The following MGAT4C variants were observed in gnomAD, a reference collection of about 807,000 sequenced individuals.
MGAT4C encodes MGAT4 family member C.
Under a neutral mutation model 40.1 loss-of-function variants are expected in MGAT4C, and 19 were observed. That is an observed-to-expected ratio of 0.47 (90% CI 0.33 to 0.70). The LOEUF is 0.70. MGAT4C is among the 30% of genes least tolerant of loss of function. MGAT4C has a pLI of 0.02. For missense variants in MGAT4C, 491 were observed against 563.2 expected (o/e 0.87, Z 1.30); for synonymous variants, 181 against 187.1 (o/e 0.97, Z 0.27).
At chr12:86,747,866 C>G (rs1951176869) in intron 1 of MGAT4C, among the ~76,000 whole-genome samples, 1 of 151,240 alleles carries the variant, frequency 6.6e-6, no homozygotes, top group South Asian at 2.1e-4. Context: ...AGGAATGACC[C>G]AAAGTACTGT....
rs759559827 is a variant in MGAT4C, at chr12:86,469,623, T to TC, written c.-228-34359dup. Among the ~76,000 whole-genome samples, 13 of 152,160 alleles carry TC rather than the reference T, an allele frequency of 8.5e-5. No homozygotes were observed. The East Asian group carries it at 2.1e-3, about 25-fold the overall frequency. ...TACCAAAGTAATTGCGGTTTTTTTT[T>TC]CCCCTGAAAGTAATGGCAAAAATGG... On this transcript the variant is annotated intron_variant, in intron 2 of 7. Transcript: ENST00000548651.
chr12:86,443,203 T>TAC (rs546506719), intron 2 of MGAT4C, among the ~76,000 whole-genome samples: 51 of 150,150 alleles, frequency 3.4e-4, no homozygotes, highest in South Asian at 1.7e-3. Flanking sequence ...TGTGTATATA[T>TAC]ATACACACAC....
intron 4 of MGAT4C, among the ~76,000 whole-genome samples, chr12:86,264,075 G>A (rs1304450302): frequency 1.3e-5 from 2 of 152,034 alleles, no homozygotes; most frequent in South Asian, 2.1e-4. Flanking sequence ...TCTACATCCT[G>A]GATATTAGTC....
At chr12:86,769,293 A>C (rs1373378197) in intron 1 of MGAT4C, among the ~76,000 whole-genome samples, 2 of 152,116 alleles carry the variant, frequency 1.3e-5, no homozygotes, top group Non-Finnish European at 2.9e-5. Context: ...GCCATCAGAG[A>C]AATGCAAATC....
intron 1 of MGAT4C, among the ~76,000 whole-genome samples, chr12:86,085,118 T>A (rs1291291176): frequency 6.6e-6 from 1 of 152,020 alleles, no homozygotes; most frequent in Non-Finnish European, 1.5e-5. Flanking sequence ...ATAGTTTATT[T>A]TTTATTTATT....
intron 3 of MGAT4C, among the ~76,000 whole-genome samples, chr12:86,363,726 C>T (rs1955531905): frequency 6.6e-6 from 1 of 151,664 alleles, no homozygotes; most frequent in East Asian, 1.9e-4. Flanking sequence ...TTTTCCAGAT[C>T]AACCAAAGAA....
At position 85,979,826 on chromosome 12, in the gene MGAT4C, A is replaced by G. The variant is rs1038028949; in HGVS notation, c.900T>C (p.Asn300=). ...AGAGAGATGGTTTAAAACGGATCAC[A>G]TTTTTCTGAGCCAACAGACCACGGA... ...THFRGLLAQK[N]VIRFKPSLFQ... The change falls in exon 5 of 5, where the codon AAT becomes AAC. Residue 300 remains asparagine, a synonymous_variant. Coordinates refer to ENST00000611864, the MANE Select transcript of MGAT4C (RefSeq NM_001351288.2). 6 of 1,613,600 alleles carry G rather than the reference A, an allele frequency of 3.7e-6. No individual in the cohort carries two copies. The highest frequency in any genetic ancestry group is 5.1e-6 in the Non-Finnish European group (6 of 1,179,820).
At chr12:86,583,561 C>T (rs1362455101) in intron 2 of MGAT4C, among the ~76,000 whole-genome samples, 1 of 151,160 alleles carries the variant, frequency 6.6e-6, no homozygotes, top group Non-Finnish European at 1.5e-5. Flanking sequence ...TCAAGCCTTG[C>T]ATTTCCAAGT....
At chr12:86,639,401 G>A (rs1247292728) in intron 2 of MGAT4C, among the ~76,000 whole-genome samples, 1 of 151,370 alleles carries the variant, frequency 6.6e-6, no homozygotes, top group African/African-American at 2.4e-5. Context: ...ATTGGTTTTT[G>A]GGACATTCTT....
At chr12:85,997,254 C>A (rs541315374) in intron 2 of MGAT4C, among the ~76,000 whole-genome samples, 1 of 152,242 alleles carries the variant, frequency 6.6e-6, no homozygotes, top group African/African-American at 2.4e-5. Context: ...GAAAGACCTG[C>A]CTCTGTGATT....
At chr12:86,373,102 G>A (rs1429572916) in intron 3 of MGAT4C, among the ~76,000 whole-genome samples, 1 of 151,434 alleles carries the variant, frequency 6.6e-6, no homozygotes, top group East Asian at 1.9e-4. Context: ...AATTTTTATA[G>A]GAGCACTATA....
chr12:86,143,014 C>T (rs1883048025), intron 1 of MGAT4C, among the ~76,000 whole-genome samples: 1 of 152,164 alleles, frequency 6.6e-6, no homozygotes. Flanking sequence ...TGTGTAAGAA[C>T]ACTGCCAAAC....
At chr12:86,774,343 C>CTTTCTTTCTTTCTTTCTTTCTTTCTTT (rs1565981678) in intron 1 of MGAT4C, among the ~76,000 whole-genome samples, 1 of 54,500 alleles carries the variant, frequency 1.8e-5, no homozygotes, top group African/African-American at 5.4e-5. Context: ...TTCTTTCTGT[C>CTTTCTTTCTTTCTTTCTTTCTTTCTTT]TCTCTCTCTC....
chr12:86,172,355 A>G (rs1886944134), intron 1 of MGAT4C, among the ~76,000 whole-genome samples: 1 of 152,212 alleles, frequency 6.6e-6, no homozygotes, highest in Admixed American at 6.5e-5. Flanking sequence ...ACACTTGTTC[A>G]GTGTTAACCC....
chr12:86,070,364 T>C (rs1319653073), intron 1 of MGAT4C, among the ~76,000 whole-genome samples: 1 of 151,826 alleles, frequency 6.6e-6, no homozygotes, highest in Non-Finnish European at 1.5e-5. Context: ...AAAACAGTAA[T>C]CTTTTTTTTC....
At chr12:86,385,940 A>AT (rs1235663869) in intron 3 of MGAT4C, among the ~76,000 whole-genome samples, 1 of 151,446 alleles carries the variant, frequency 6.6e-6, no homozygotes. Flanking sequence ...TTATTTATTT[A>AT]TTTTTTTTGA....
chr12:86,121,996 T>C (rs926543670), intron 1 of MGAT4C, among the ~76,000 whole-genome samples: 1 of 152,196 alleles, frequency 6.6e-6, no homozygotes, highest in Admixed American at 6.5e-5. Flanking sequence ...ACAAGTATAT[T>C]CTCTTTTAAT....
chr12:86,341,084 T>C (rs1032420746), intron 3 of MGAT4C, among the ~76,000 whole-genome samples: 3 of 152,092 alleles, frequency 2.0e-5, no homozygotes, highest in Admixed American at 6.6e-5. Context: ...ACACCTTCAA[T>C]TGAAACACCC....
Position 86,646,233 on chromosome 12 carries a change from G to T in MGAT4C, c.-229+80976C>A, listed in dbSNP as rs1027439265. Among the ~76,000 whole-genome samples, 3 of 151,762 alleles carry T rather than the reference G, an allele frequency of 2.0e-5. No individual in the cohort carries two copies. In the South Asian group the frequency reaches 6.2e-4, roughly 31 times the overall value. ...GCATTGGTTAGAAAGGTGGTAAAATGGCTATGGTTAAAGACCAGGATAAGT... is the reference window on the plus strand; with the variant it reads ...GCATTGGTTAGAAAGGTGGTAAAATTGCTATGGTTAAAGACCAGGATAAGT... On this transcript the variant is annotated intron_variant, in intron 2 of 7. Coordinates refer to the MGAT4C transcript ENST00000548651.
Sources: gnomAD v4.1 joint callset for allele counts (sites outside exome capture counted in the v4.1 genomes callset) on GRCh38, gnomAD v4.1.1 for gene constraint, MANE v1.5 for transcripts, NCBI Gene and HGNC (gene_info 2026-07-23, HGNC 2026-07-21) for gene names.